FAM13A: variants seen among roughly 807,000 people sequenced by gnomAD.
FAM13A encodes protein FAM13A.
A neutral mutation model predicts 129.6 loss-of-function variants in FAM13A; 76 were observed. That is an observed-to-expected ratio of 0.59 (90% CI 0.49 to 0.71). FAM13A has a LOEUF of 0.71. Among genes scored for constraint, FAM13A ranks in the 30% least tolerant of loss-of-function variants. The pLI is 0.00. For synonymous variants in FAM13A, 443 were observed against 449.9 expected (o/e 0.98, Z 0.20); for missense variants, 1,108 against 1,249.3 (o/e 0.89, Z 1.70).
At chr4:88,781,911 A>C (rs541237532) in intron 10 of FAM13A, among the ~76,000 whole-genome samples, 1 of 151,606 alleles carries the variant, frequency 6.6e-6, no homozygotes, top group African/African-American at 2.4e-5. Context: ...TAATGGGTGC[A>C]GCACACCAAC....
intron 5 of FAM13A, among the ~76,000 whole-genome samples, chr4:88,913,851 C>T (rs1022575825): frequency 3.9e-5 from 6 of 152,102 alleles, no homozygotes; most frequent in Admixed American, 6.6e-5. Flanking sequence ...ATATTACTTA[C>T]ATCTAATTGC....
chr4:88,933,993 C>T (rs1357022252), intron 5 of FAM13A, among the ~76,000 whole-genome samples: 2 of 152,030 alleles, frequency 1.3e-5, no homozygotes, highest in Non-Finnish European at 2.9e-5. Context: ...CATGGTAATC[C>T]AACTGTACTG....
At chr4:88,739,821 G>A (rs1578436177) in intron 19 of FAM13A, among the ~76,000 whole-genome samples, 1 of 148,752 alleles carries the variant, frequency 6.7e-6, no homozygotes, top group African/African-American at 2.5e-5. Flanking sequence ...ATATCATGTA[G>A]TTCATTTACT....
intron 6 of FAM13A, among the ~76,000 whole-genome samples, chr4:88,888,225 G>A (rs1744760786): frequency 6.6e-6 from 1 of 152,116 alleles, no homozygotes; most frequent in Non-Finnish European, 1.5e-5. Flanking sequence ...CATGAAGCCA[G>A]CTCTAATCAA....
intron 3 of FAM13A, among the ~76,000 whole-genome samples, chr4:89,004,808 A>C (rs532053236): frequency 7.2e-5 from 11 of 152,152 alleles, no homozygotes; most frequent in Non-Finnish European, 1.5e-4. Flanking sequence ...GATTACATTA[A>C]AAATATGGAA....
At chr4:88,828,803 CAAAT>C (rs916178104) in intron 7 of FAM13A, among the ~76,000 whole-genome samples, 1 of 152,166 alleles carries the variant, frequency 6.6e-6, no homozygotes, top group Non-Finnish European at 1.5e-5. Flanking sequence ...ATAATACTAA[CAAAT>C]AACTGGCTTA....
intron 4 of FAM13A, among the ~76,000 whole-genome samples, chr4:88,944,337 G>T (rs959924281): frequency 1.3e-5 from 2 of 152,154 alleles, no homozygotes; most frequent in Non-Finnish European, 2.9e-5. Flanking sequence ...GGGTGACAGA[G>T]CAAGACCCTA....
chr4:89,003,808 G>C (rs1221304898), intron 3 of FAM13A, among the ~76,000 whole-genome samples: 1 of 152,164 alleles, frequency 6.6e-6, no homozygotes, highest in East Asian at 1.9e-4. Flanking sequence ...CAAGGCAACA[G>C]AGTGAATTCC....
intron 7 of FAM13A, among the ~76,000 whole-genome samples, chr4:88,833,434 A>T (rs1478451191): frequency 1.3e-5 from 2 of 152,176 alleles, no homozygotes; most frequent in Non-Finnish European, 2.9e-5. Context: ...TTTGTTCATT[A>T]AACATTTTCT....
chr4:88,732,911 C>G (rs918289749), intron 21 of FAM13A, among the ~76,000 whole-genome samples: 2 of 150,688 alleles, frequency 1.3e-5, no homozygotes, highest in African/African-American at 4.9e-5. Context: ...ATAATAAAGC[C>G]AAATCAGCAT....
At chr4:88,798,380 T>C (rs1263138340) in intron 8 of FAM13A, among the ~76,000 whole-genome samples, 2 of 152,186 alleles carry the variant, frequency 1.3e-5, no homozygotes, top group East Asian at 3.8e-4. Flanking sequence ...GTACACTGAG[T>C]ATTCTTGTCT....
intron 1 of FAM13A, among the ~76,000 whole-genome samples, chr4:89,042,958 T>C (rs1770354525): frequency 6.6e-6 from 1 of 152,222 alleles, no homozygotes; most frequent in Admixed American, 6.5e-5. Context: ...TGTTGTGTTA[T>C]CACTTCTTCT....
intron 5 of FAM13A, among the ~76,000 whole-genome samples, chr4:88,921,789 C>T (rs1296226745): frequency 6.6e-6 from 1 of 152,142 alleles, no homozygotes. Flanking sequence ...CATCAGTGTG[C>T]TGTATTCAGG....
chr4:89,019,508 C>A (rs560100312), intron 3 of FAM13A, among the ~76,000 whole-genome samples: 1 of 152,028 alleles, frequency 6.6e-6, no homozygotes, highest in Non-Finnish European at 1.5e-5. Flanking sequence ...TGCCTGTAAT[C>A]CCAGCTCTTG....
intron 6 of FAM13A, among the ~76,000 whole-genome samples, chr4:88,863,258 A>C (rs748620792): frequency 6.6e-6 from 1 of 152,154 alleles, no homozygotes; most frequent in Non-Finnish European, 1.5e-5. Flanking sequence ...TGCTTTAATT[A>C]ATCGTGCCCA....
At chr4:89,052,026 C>A (rs1392674506) in intron 1 of FAM13A, among the ~76,000 whole-genome samples, 1 of 152,054 alleles carries the variant, frequency 6.6e-6, no homozygotes, top group East Asian at 1.9e-4. Context: ...AATGTTGGTC[C>A]CATCCTTGAA....
chr4:88,823,262 G>T, intron 7 of FAM13A: 1 of 1,267,252 alleles, frequency 7.9e-7, no homozygotes, highest in Non-Finnish European at 1.0e-6. Flanking sequence ...TTTTGTTCCA[G>T]GGAAGCAGCT....
At chr4:88,950,054 G>C (rs953322980) in intron 4 of FAM13A, among the ~76,000 whole-genome samples, 1 of 151,956 alleles carries the variant, frequency 6.6e-6, no homozygotes, top group African/African-American at 2.4e-5. Flanking sequence ...CAATCATTTG[G>C]GTGGATAAGT....
At chr4:88,769,829 C>CAA (rs541288736) in intron 11 of FAM13A, among the ~76,000 whole-genome samples, 1 of 131,320 alleles carries the variant, frequency 7.6e-6, no homozygotes. Context: ...GACTCTGTCT[C>CAA]AAAAAAAAAA....
Sources: gnomAD v4.1 joint callset for allele counts (sites outside exome capture counted in the v4.1 genomes callset) on GRCh38, gnomAD v4.1.1 for gene constraint, MANE v1.5 for transcripts, NCBI Gene and HGNC (gene_info 2026-07-23, HGNC 2026-07-21) for gene names.